The following DIS3L2 variants were observed in gnomAD, a reference collection of about 807,000 sequenced individuals.
The protein encoded by DIS3L2 is DIS3-like exonuclease 2.
A neutral mutation model predicts 97.5 loss-of-function variants in DIS3L2; 34 were observed. That is an observed-to-expected ratio of 0.35 (90% CI 0.27 to 0.46). The LOEUF is 0.46. DIS3L2 is among the 20% of genes least tolerant of loss of function. The pLI, the probability that DIS3L2 is intolerant of heterozygous loss-of-function variation, is 1.00. For missense variants in DIS3L2, 1,038 were observed against 1,146.0 expected, an observed-to-expected ratio of 0.91 and a Z score of 1.36; for synonymous variants, 435 against 445.2, an observed-to-expected ratio of 0.98 and a Z score of 0.29.
chr2:232,066,421 G>A (rs1023315547), intron 5 of DIS3L2, among the ~76,000 whole-genome samples: 11 of 151,934 alleles, frequency 7.2e-5, no homozygotes, highest in Non-Finnish European at 1.2e-4. Context: ...GAATTACAGG[G>A]ATTGATTTTA....
At chr2:232,077,775 T>G (rs1437752246) in intron 5 of DIS3L2, among the ~76,000 whole-genome samples, 1 of 152,148 alleles carries the variant, frequency 6.6e-6, no homozygotes, top group African/African-American at 2.4e-5. Context: ...CAGAAGAATT[T>G]AAAAAGTCCT....
intron 1 of DIS3L2, among the ~76,000 whole-genome samples, chr2:231,999,365 AG>A (rs1693816435): frequency 1.3e-5 from 2 of 152,206 alleles, no homozygotes; most frequent in Non-Finnish European, 2.9e-5. Flanking sequence ...CATTGATTCT[AG>A]GCCCTTTCAG....
intron 13 of DIS3L2, among the ~76,000 whole-genome samples, chr2:232,265,195 C>T (rs1363128620): frequency 6.6e-6 from 1 of 152,204 alleles, no homozygotes; most frequent in Non-Finnish European, 1.5e-5. Flanking sequence ...AAACCCACCT[C>T]CTGGTTCTCT....
intron 6 of DIS3L2, among the ~76,000 whole-genome samples, chr2:232,088,561 CAA>C (rs748097006): frequency 6.5e-5 from 8 of 122,654 alleles, no homozygotes; most frequent in East Asian, 2.3e-4. Context: ...GACTCCGTCT[CAA>C]AAAAAAAAAA....
chr2:232,146,725 T>G (rs1379987816), intron 8 of DIS3L2, among the ~76,000 whole-genome samples: 1 of 152,236 alleles, frequency 6.6e-6, no homozygotes, highest in Admixed American at 6.5e-5. Flanking sequence ...AGGTGAGATG[T>G]GTTTCCTGTA....
At chr2:232,068,598 A>G (rs887422987) in intron 5 of DIS3L2, among the ~76,000 whole-genome samples, 1 of 151,272 alleles carries the variant, frequency 6.6e-6, no homozygotes, top group African/African-American at 2.4e-5. Flanking sequence ...AAAAAGTTAT[A>G]TGTATATATA....
chr2:232,087,448 T>A, intron 5 of DIS3L2, 39 bp from the exon 6 acceptor site: 1 of 1,462,010 alleles, frequency 6.8e-7, no homozygotes, highest in Non-Finnish European at 9.3e-7. Context: ...TTTTTTTTCC[T>A]CTCTCAGTGA....
Position 232,325,313 on chromosome 2 carries a change from A to G in DIS3L2, c.1740-4500A>G. 6.6e-6 allele frequency among the ~76,000 whole-genome samples: 1 copy of G among 152,142 alleles called. No individual in the cohort carries two copies. On this transcript the variant is annotated intron_variant, in intron 14 of 20. Coordinates refer to ENST00000325385, the MANE Select transcript of DIS3L2 (RefSeq NM_152383.5). The surrounding 1 kb of genome is among the most constrained non-coding windows in gnomAD (Gnocchi z 4.6). ...ACGCATGAAGAGCCCTGCGTTTCAT[A>G]TATTGATGTTGTTGCTTTTTCTTTA... is the stretch of plus-strand genomic sequence containing the variant.
At chr2:232,286,470 T>G (rs1694436798) in intron 13 of DIS3L2, among the ~76,000 whole-genome samples, 1 of 151,970 alleles carries the variant, frequency 6.6e-6, no homozygotes. Flanking sequence ...TGGACCTTAT[T>G]GTTGTAGAAA....
At chr2:232,190,411 G>A (rs921041092) in intron 9 of DIS3L2, among the ~76,000 whole-genome samples, 4 of 152,202 alleles carry the variant, frequency 2.6e-5, no homozygotes, top group South Asian at 2.1e-4. Context: ...ATATGCCTAC[G>A]TGGTCCTTGA....
chr2:232,026,461 C>T (rs527429767), intron 4 of DIS3L2, among the ~76,000 whole-genome samples: 22 of 151,896 alleles, frequency 1.4e-4, no homozygotes, highest in Non-Finnish European at 2.6e-4. Context: ...CATGCCCAAA[C>T]GTGGGCATCC....
intron 1 of DIS3L2, among the ~76,000 whole-genome samples, chr2:231,988,282 A>G (rs1368322883): frequency 1.3e-5 from 2 of 152,216 alleles, no homozygotes; most frequent in Admixed American, 6.5e-5. Context: ...TAGAATCACT[A>G]TCTTTCAAAC....
chr2:232,209,117 A>G lies in DIS3L2; in HGVS notation c.1125-1209A>G, dbSNP rs942641291. Among the ~76,000 whole-genome samples, 26 of 152,308 alleles carry G rather than the reference A, an allele frequency of 1.7e-4. 1 individual carries two copies. The highest frequency in any genetic ancestry group is 6.3e-4 in the African/African-American group (26 of 41,576). On this transcript the variant is annotated intron_variant, in intron 9 of 20. Transcript: ENST00000325385. Reference sequence around the variant, plus strand: ...TATTACAGAATTGATGGCGCATCTTATAATTAATACTCTCTTAGGATGGAA... The same window carrying G: ...TATTACAGAATTGATGGCGCATCTTGTAATTAATACTCTCTTAGGATGGAA...
downstream of DIS3L2, among the ~76,000 whole-genome samples, chr2:232,338,362 A>AG (rs1390423283): frequency 6.6e-5 from 10 of 152,142 alleles, no homozygotes; most frequent in African/African-American, 1.2e-4. Context: ...AGGAGTAGCC[A>AG]GGGGGGTGAA....
chr2:232,270,903 T>G lies in DIS3L2; in HGVS notation c.1659+7463T>G, dbSNP rs1254616154. ...CTCTCTCTCTCTCTCTCTCTCTCTC[T>G]CTCTCTCTCTCTGTCTCGTCTCTCT... On this transcript the variant is annotated intron_variant, in intron 13 of 20. Transcript: ENST00000325385. 7.1e-4 allele frequency among the ~76,000 whole-genome samples: 103 copies of G among 145,944 alleles called. 1 individual carries two copies. Among genetic ancestry groups the G allele is most frequent in the African/African-American group, 2.6e-3 (97 of 37,916 alleles).
chr2:232,254,314 CAG>C (rs887278691), intron 12 of DIS3L2, among the ~76,000 whole-genome samples: 7 of 150,378 alleles, frequency 4.7e-5, no homozygotes, highest in African/African-American at 1.7e-4. Context: ...TATCTGAAAA[CAG>C]AAGGAATTAT....
intron 6 of DIS3L2, among the ~76,000 whole-genome samples, chr2:232,098,385 A>C (rs536243172): frequency 7.2e-6 from 1 of 138,714 alleles, no homozygotes; most frequent in Non-Finnish European, 1.5e-5. Context: ...GACAGAGTCT[A>C]CTCTGTCACC....
Position 232,047,038 on chromosome 2 carries a change from G to A in DIS3L2, c.366+16958G>A, listed in dbSNP as rs558054778. 1.1e-3 allele frequency among the ~76,000 whole-genome samples: 173 copies of A among 152,154 alleles called. 1 individual carries two copies. The highest frequency in any genetic ancestry group is 2.1e-3 in the Non-Finnish European group (145 of 68,012). On this transcript the variant is annotated intron_variant, in intron 5 of 20. Transcript: ENST00000325385. ...GCTTCACTCATTTTTTTCTGGAAGG[G>A]GATTACCTGTTACATTATGTTTAAT... is the stretch of plus-strand genomic sequence containing the variant.
At chr2:232,326,063 CAGGAG>C (rs1695564079) in intron 14 of DIS3L2, among the ~76,000 whole-genome samples, 1 of 152,180 alleles carries the variant, frequency 6.6e-6, no homozygotes, top group African/African-American at 2.4e-5. Flanking sequence ...CACAGCTCCC[CAGGAG>C]AGGGAGGGAG....
Sources: gnomAD v4.1 joint callset for allele counts (sites outside exome capture counted in the v4.1 genomes callset) on GRCh38, gnomAD v4.1.1 for gene constraint, Gnocchi (gnomAD v3.1) non-coding constraint, MANE v1.5 for transcripts, NCBI Gene and HGNC (gene_info 2026-07-23, HGNC 2026-07-21) for gene names.